Variants in CUX1 observed in about 807,000 individuals in gnomAD.
CUX1 encodes protein CASP.
Under a neutral mutation model 158.8 loss-of-function variants are expected in CUX1, and 31 were observed. The observed-to-expected ratio is 0.20, with a 90% CI of 0.15 to 0.26. CUX1 has a LOEUF of 0.26. CUX1 is among the 10% of genes least tolerant of loss of function. The probability of loss-of-function intolerance (pLI) is 1.00; values close to 1 mark genes in which losing one functional copy is unlikely to be tolerated. For missense variants in CUX1, 1,589 were observed against 2,014.6 expected (o/e 0.79, Z 4.04); for synonymous variants, 879 against 862.1 (o/e 1.02, Z -0.34).
chr7:102,110,590 A>G (rs931823421), intron 6 of CUX1, among the ~76,000 whole-genome samples: 7 of 152,180 alleles, frequency 4.6e-5, no homozygotes, highest in Non-Finnish European at 7.4e-5. Flanking sequence ...TGTGTTACGT[A>G]TTAGTTCATA....
intron 2 of CUX1, among the ~76,000 whole-genome samples, chr7:102,018,977 G>A (rs767192928): frequency 3.9e-5 from 6 of 152,090 alleles, no homozygotes; most frequent in Non-Finnish European, 5.9e-5. Flanking sequence ...CTGGGGAGCC[G>A]GGAGTCCCCA....
At chr7:102,205,230 C>G in intron 20 of CUX1, 60 bp downstream of exon 20, 1 of 1,279,960 alleles carries the variant, frequency 7.8e-7, no homozygotes, top group Non-Finnish European at 1.1e-6. Context: ...TCTGTTGTCC[C>G]GTGCTGTGGT....
At chr7:101,973,844 C>T (rs777472149) in intron 2 of CUX1, among the ~76,000 whole-genome samples, 12 of 150,954 alleles carry the variant, frequency 7.9e-5, no homozygotes, top group Non-Finnish European at 8.9e-5. Context: ...TCTCAGCTCA[C>T]GGCAACCTCC....
chr7:102,278,121 A>T, intron 18 of CUX1: 2 of 1,315,308 alleles, frequency 1.5e-6, no homozygotes, highest in Non-Finnish European at 2.2e-6. Context: ...AGAGAGGCCG[A>T]TCAGGGCTCT....
chr7:102,000,641 TACCTC>T (rs1349984741), intron 2 of CUX1, among the ~76,000 whole-genome samples: 1 of 152,240 alleles, frequency 6.6e-6, no homozygotes, highest in Non-Finnish European at 1.5e-5. Flanking sequence ...GCTTAATGTG[TACCTC>T]ACCTGGTTTT....
intron 1 of CUX1, among the ~76,000 whole-genome samples, chr7:101,897,811 G>GGT (rs1747435608): frequency 6.6e-6 from 1 of 152,086 alleles, no homozygotes; most frequent in Non-Finnish European, 1.5e-5. Context: ...TTTGCTTATT[G>GGT]GTGTGTGTGT....
At position 101,818,764 on chromosome 7, in the gene CUX1, T is replaced by C. The variant is rs138484887; in HGVS notation, c.30+1095T>C. Among the ~76,000 whole-genome samples, 59 of 152,366 alleles carry C rather than the reference T, an allele frequency of 3.9e-4. 1 individual carries two copies. Among genetic ancestry groups the C allele is most frequent in the African/African-American group, 1.3e-3 (53 of 41,574 alleles). On this transcript the variant is annotated intron_variant, in intron 1 of 23. Transcript: ENST00000292535. ...AGTCTCAGGCCAATCTGGTTCTTTC[T>C]CTGGGCGGTGAGGAGGCCTTTGGAG...
intron 2 of CUX1, among the ~76,000 whole-genome samples, chr7:101,944,160 G>A (rs1200144891): frequency 6.6e-6 from 1 of 152,100 alleles, no homozygotes; most frequent in Non-Finnish European, 1.5e-5. Context: ...CAGGGAGACT[G>A]TCCCAGCCCC....
chr7:101,928,922 G>T (rs1238978769), intron 2 of CUX1, among the ~76,000 whole-genome samples: 1 of 151,488 alleles, frequency 6.6e-6, no homozygotes, highest in Non-Finnish European at 1.5e-5. Flanking sequence ...CACCCGCCTC[G>T]GCCTCCCAAA....
At chr7:102,054,171 A>C (rs919884433) in intron 3 of CUX1, among the ~76,000 whole-genome samples, 3 of 152,080 alleles carry the variant, frequency 2.0e-5, no homozygotes, top group African/African-American at 7.2e-5. Flanking sequence ...ATGAAATCCA[A>C]TTTGTCGATT....
chr7:102,164,226 A>T (rs1244691554), intron 9 of CUX1, among the ~76,000 whole-genome samples: 2 of 152,158 alleles, frequency 1.3e-5, no homozygotes, highest in East Asian at 3.9e-4. Flanking sequence ...TGGTGATCCG[A>T]GTTGCTGGTG....
At position 102,248,929 on chromosome 7, in the gene CUX1, C is replaced by T. The variant is rs1554538416; in HGVS notation, c.4405C>T (p.Arg1469Trp). The T allele has an allele frequency of 4.8e-6, 7 of 1,472,310 alleles. No individual in the cohort carries two copies. The highest frequency in any genetic ancestry group is 4.5e-5 in the Admixed American group (2 of 44,504). The allele number at this position is 1,472,310 out of a possible 1,614,324, so 91.2% of individuals were successfully genotyped here. A position where few individuals can be genotyped will look rare whatever the true frequency, so the allele number is the denominator to read the frequency against. Residue 1469 changes from arginine to tryptophan, a missense_variant, in exon 24 of 24, where the codon CGG (arginine) becomes TGG (tryptophan). Around this residue, in one of 8 missense-constraint regions of CUX1, gnomAD observed 344 missense variants for 323.7 expected, o/e 1.06. Coordinates refer to ENST00000292535, the MANE Select transcript of CUX1 (RefSeq NM_181552.4). The surrounding 1 kb of genome is among the most constrained non-coding windows in gnomAD (Gnocchi z 5.8). ...LFGLPEAAGA[R>W]DSRDNPLRKK... ...CGGCCTCCCCGAGGCCGCGGGCGCC[C>T]GGGACTCGCGCGACAACCCCCTGCG...
chr7:102,158,522 C>T (rs782274214), intron 8 of CUX1, 38 bp from the exon 9 acceptor site: 1 of 1,611,406 alleles, frequency 6.2e-7, no homozygotes, highest in African/African-American at 1.3e-5. Flanking sequence ...AGCCGGTCTC[C>T]TTGTGACTAA....
chr7:102,209,983 C>T (rs1397382253), intron 20 of CUX1, among the ~76,000 whole-genome samples: 1 of 152,154 alleles, frequency 6.6e-6, no homozygotes, highest in African/African-American at 2.4e-5. Flanking sequence ...ATCTCTCAGG[C>T]TCAAACAATC....
chr7:102,217,790 C>T (rs956195330), intron 20 of CUX1, among the ~76,000 whole-genome samples: 3 of 148,656 alleles, frequency 2.0e-5, no homozygotes, highest in African/African-American at 7.6e-5. Context: ...GAGGGAGGCT[C>T]TGGATGGACA....
chr7:102,277,055 A>G (rs1554547892), intron 17 of CUX1, among the ~76,000 whole-genome samples: 2 of 151,692 alleles, frequency 1.3e-5, no homozygotes, highest in African/African-American at 4.8e-5. Context: ...ATCCCAGCAC[A>G]TTGGGAGGCC....
intron 3 of CUX1, among the ~76,000 whole-genome samples, chr7:102,064,573 G>C (rs1825323725): frequency 6.6e-6 from 1 of 152,232 alleles, no homozygotes; most frequent in Admixed American, 6.5e-5. Flanking sequence ...GCTCCCTGCA[G>C]GGAGTCAGGC....
Position 102,204,438 on chromosome 7 carries a change from G to C in CUX1, c.2955G>C (p.Pro985=), listed in dbSNP as rs373412162. The C allele has an allele frequency of 6.2e-7, 1 of 1,613,700 alleles. No individual in the cohort carries two copies. Among genetic ancestry groups the C allele is most frequent in the Non-Finnish European group, 8.5e-7 (1 of 1,180,036 alleles). The change falls in exon 19 of 24, where the codon CCG becomes CCC. Residue 985 remains proline (P), a synonymous_variant. Coordinates refer to ENST00000292535, the MANE Select transcript of CUX1 (RefSeq NM_181552.4). ...GCGTCAGCGACATGCTGTCCCGACC[G>C]AAGCCATGGAGCAAGCTGACGCAGA... ...QGSVSDMLSR[P]KPWSKLTQKG...
Position 102,257,449 on chromosome 7 carries a change from A to ATTC in CUX1, c.*8408_*8409insTCT. 3.0e-6 allele frequency: 3 copies of ATTC among 985,128 alleles called. No homozygotes were observed. In the South Asian group the frequency reaches 1.4e-4, roughly 46 times the overall value. 61.0% of individuals were successfully genotyped at this position (985,128 alleles called of 1,614,324 possible). On this transcript the variant is annotated 3_prime_UTR_variant, in exon 24 of 24. Transcript: ENST00000292535. ...AAAAAAAATCCCGTGTATTCTGGAG[A>ATTC]TGTGAGAATTCACCCAAAATTCTTA... is the stretch of plus-strand genomic sequence containing the variant.
Sources: gnomAD v4.1 joint callset for allele counts (sites outside exome capture counted in the v4.1 genomes callset) on GRCh38, gnomAD v4.1.1 for gene constraint, gnomAD v4.1.1 regional missense constraint, Gnocchi (gnomAD v3.1) non-coding constraint, MANE v1.5 for transcripts, NCBI Gene and HGNC (gene_info 2026-07-23, HGNC 2026-07-21) for gene names.